DNAI3: variants seen among roughly 807,000 people sequenced by gnomAD.
The protein encoded by DNAI3 is dynein axonemal intermediate chain 3, also known as WD repeat domain 63.
Under a neutral mutation model 115.5 loss-of-function variants are expected in DNAI3, and 83 were observed. The ratio of observed to expected loss-of-function variants is 0.72; its 90% CI spans 0.60 to 0.86. The LOEUF is 0.86. DNAI3 is among the 40% of genes least tolerant of loss of function. DNAI3 has a pLI of 0.00. For synonymous variants in DNAI3, 320 were observed against 347.0 expected, an observed-to-expected ratio of 0.92 and a Z score of 0.86; for missense variants, 1,004 against 1,075.8, an observed-to-expected ratio of 0.93 and a Z score of 0.93.
At chr1:85,086,313 G>A (rs1654799598) in intron 7 of DNAI3, among the ~76,000 whole-genome samples, 3 of 152,110 alleles carry the variant, frequency 2.0e-5, no homozygotes. Context: ...TCTCTCATCT[G>A]GCATATTACC....
chr1:85,068,717 A>G (rs746372606), intron 1 of DNAI3, among the ~76,000 whole-genome samples: 1 of 152,114 alleles, frequency 6.6e-6, no homozygotes, highest in Non-Finnish European at 1.5e-5. Context: ...GCTGTTTCCA[A>G]TTATATCATT....
At chr1:85,077,637 C>A (rs2100562350) in intron 3 of DNAI3, among the ~76,000 whole-genome samples, 1 of 152,046 alleles carries the variant, frequency 6.6e-6, no homozygotes, top group Non-Finnish European at 1.5e-5. Context: ...TCTATAGTGA[C>A]AAGAAAACAG....
At chr1:85,108,471 G>A (rs1326625215) in intron 15 of DNAI3, among the ~76,000 whole-genome samples, 1 of 152,124 alleles carries the variant, frequency 6.6e-6, no homozygotes. Flanking sequence ...TTGGAAAGCT[G>A]ACAATGAAGA....
At chr1:85,106,993 C>A (rs910243346) in intron 14 of DNAI3, among the ~76,000 whole-genome samples, 1 of 152,170 alleles carries the variant, frequency 6.6e-6, no homozygotes. Flanking sequence ...GACATTACAA[C>A]AAAAGCACAA....
chr1:85,130,643 A>T (rs903604441), intron 22 of DNAI3, among the ~76,000 whole-genome samples: 1 of 151,656 alleles, frequency 6.6e-6, no homozygotes, highest in Non-Finnish European at 1.5e-5. Flanking sequence ...TATAATTATA[A>T]TGATAGATGA....
At chr1:85,096,089 C>A (rs1291952111) in intron 11 of DNAI3, 69 bp downstream of exon 11, 20 of 1,423,230 alleles carry the variant, frequency 1.4e-5, no homozygotes, top group Non-Finnish European at 2.0e-5. Flanking sequence ...TTTGACTTGG[C>A]AGTTCCTTGG....
chr1:85,062,802 GTTAA>G (rs1051237774), intron 1 of DNAI3, among the ~76,000 whole-genome samples: 1 of 93,878 alleles, frequency 1.1e-5, no homozygotes, highest in African/African-American at 4.1e-5. Context: ...GAATGAGTCA[GTTAA>G]TGAATGAATG....
At chr1:85,106,845 G>A (rs747449619) in intron 14 of DNAI3, among the ~76,000 whole-genome samples, 3 of 152,116 alleles carry the variant, frequency 2.0e-5, no homozygotes, top group Non-Finnish European at 4.4e-5. Flanking sequence ...AAAATATAAC[G>A]TTGGATTCCT....
intron 12 of DNAI3, 88 bp downstream of exon 12, chr1:85,097,743 A>G: frequency 8.4e-7 from 1 of 1,197,004 alleles, no homozygotes; most frequent in South Asian, 1.7e-5. Context: ...AGGCTAATAA[A>G]AACTCAAGAG....
chr1:85,122,262 A>C (rs540475647), intron 18 of DNAI3, among the ~76,000 whole-genome samples: 1 of 152,330 alleles, frequency 6.6e-6, no homozygotes, highest in East Asian at 1.9e-4. Flanking sequence ...AGAAGACCCC[A>C]GCAGAGTATG....
At chr1:85,128,222 C>A (rs963425933) in intron 20 of DNAI3, among the ~76,000 whole-genome samples, 1 of 149,848 alleles carries the variant, frequency 6.7e-6, no homozygotes, top group Non-Finnish European at 1.5e-5. Context: ...TTTAAATGTT[C>A]AAAGGCAGCT....
chr1:85,088,279 G>T (rs2100574672), intron 7 of DNAI3, among the ~76,000 whole-genome samples: 1 of 152,178 alleles, frequency 6.6e-6, no homozygotes, highest in South Asian at 2.1e-4. Flanking sequence ...TAATAATATT[G>T]GCAGTGTTCC....
chr1:85,088,576 C>T (rs943296241), intron 7 of DNAI3, among the ~76,000 whole-genome samples: 1 of 152,096 alleles, frequency 6.6e-6, no homozygotes, highest in Non-Finnish European at 1.5e-5. Context: ...ACATACCAGG[C>T]ATTCTTCTAA....
In DNAI3 at chr1:85,117,966, C is replaced by T. The variant is rs1655882643; in HGVS notation, c.1917+107C>T. 18 of 1,319,022 alleles carry T rather than the reference C, an allele frequency of 1.4e-5. No individual in the cohort carries two copies. The South Asian group carries it at 2.1e-4, about 15-fold the overall frequency. The allele number at this position is 1,319,022 out of a possible 1,614,324, so 81.7% of individuals were successfully genotyped here. On this transcript the variant is annotated intron_variant, in intron 17 of 22. Transcript: ENST00000294664. ...CTGTGTAAAGACATAAAAGTTATACCATTTTCATATTTTAGTATGCTTGTT... is the reference window on the plus strand; with the variant it reads ...CTGTGTAAAGACATAAAAGTTATACTATTTTCATATTTTAGTATGCTTGTT...
intron 3 of DNAI3, among the ~76,000 whole-genome samples, chr1:85,080,013 G>T (rs1258786362): frequency 1.3e-5 from 2 of 151,272 alleles, no homozygotes; most frequent in Non-Finnish European, 2.9e-5. Context: ...CCCTATATAG[G>T]CTCAAGGGAA....
In DNAI3 at chr1:85,132,869, G is replaced by A. The variant is rs1011117543; in HGVS notation, c.2547G>A (p.Lys849=). The change falls in exon 23 of 23, where the codon AAG becomes AAA. Residue 849 remains lysine (K), a synonymous_variant. Coordinates refer to ENST00000294664, the MANE Select transcript of DNAI3 (RefSeq NM_145172.5). ...TCCCCCCCCAGAAAACATATCAGAA[G>A]TCAAAAGAACAAATGCAGGCTGAAT... ...MAKKKVKTYQ[K]SKEQMQAELK... 7 of 1,613,374 alleles carry A rather than the reference G, an allele frequency of 4.3e-6. No homozygotes were observed. Among genetic ancestry groups the A allele is most frequent in the South Asian group, 3.3e-5 (3 of 90,988 alleles).
intron 3 of DNAI3, among the ~76,000 whole-genome samples, chr1:85,074,489 G>T (rs1654391761): frequency 1.3e-5 from 2 of 152,264 alleles, no homozygotes; most frequent in East Asian, 3.9e-4. Context: ...CATTGCTTTT[G>T]CTGTCCCTGA....
chr1:85,084,529 T>C lies in DNAI3; in HGVS notation c.391-17T>C. On this transcript the variant is annotated splice_polypyrimidine_tract_variant and intron_variant, in intron 5 of 22. Coordinates refer to ENST00000294664, the MANE Select transcript of DNAI3 (RefSeq NM_145172.5). ...AACTTGGGCATACATTGTAGAATGC[T>C]ATTTATTTTACTTTAGCCCCCAGAA... 7.2e-7 allele frequency: 1 copy of C among 1,382,446 alleles called. No homozygotes were observed. Among genetic ancestry groups the C allele is most frequent in the Non-Finnish European group, 9.4e-7 (1 of 1,061,910 alleles). 85.6% of individuals were successfully genotyped at this position (1,382,446 alleles called of 1,614,324 possible). A position where few individuals can be genotyped will look rare whatever the true frequency, so the allele number is the denominator to read the frequency against.
intron 16 of DNAI3, among the ~76,000 whole-genome samples, chr1:85,116,670 A>G (rs903650606): frequency 2.0e-5 from 3 of 152,194 alleles, no homozygotes; most frequent in African/African-American, 7.2e-5. Context: ...CTCTTCCTAC[A>G]TGTATTATAA....
Sources: allele counts gnomAD v4.1 joint callset (sites outside exome capture counted in the v4.1 genomes callset), GRCh38; gene constraint gnomAD v4.1.1; transcripts MANE v1.5; gene names NCBI Gene and HGNC (gene_info 2026-07-23, HGNC 2026-07-21).